ACACA: variants seen among roughly 807,000 people sequenced by gnomAD.
ACACA encodes the protein acetyl-CoA carboxylase alpha, also known as acetyl-CoA carboxylase 1.
A neutral mutation model predicts 296.1 loss-of-function variants in ACACA; 103 were observed. The observed-to-expected ratio is 0.35, with a 90% CI of 0.30 to 0.41. ACACA has a LOEUF of 0.41. Ranked by LOEUF, ACACA falls within the 10% of genes least tolerant of loss-of-function variation. ACACA has a pLI of 1.00. For synonymous variants in ACACA, 953 were observed against 1,038.6 expected, an observed-to-expected ratio of 0.92 and a Z score of 1.58; for missense variants, 1,554 against 2,989.7, an observed-to-expected ratio of 0.52 and a Z score of 11.20.
At chr17:37,279,384 T>A (rs1277396890) in intron 5 of ACACA, among the ~76,000 whole-genome samples, 2 of 152,106 alleles carry the variant, frequency 1.3e-5, no homozygotes, top group East Asian at 3.8e-4. Flanking sequence ...CCTGTAATCC[T>A]AGCATTTTGG....
intron 21 of ACACA, among the ~76,000 whole-genome samples, chr17:37,243,874 T>A (rs1174476250): frequency 6.6e-6 from 1 of 152,196 alleles, no homozygotes; most frequent in African/African-American, 2.4e-5. Context: ...TTCTTTTCAA[T>A]AAAAATTTAT....
intron 1 of ACACA, chr17:37,392,768 C>T (rs2050935035): frequency 6.6e-6 from 1 of 152,012 alleles, no homozygotes; most frequent in Non-Finnish European, 1.5e-5. Context: ...CACCCTAAGG[C>T]TCGATTTAAT....
intron 45 of ACACA, among the ~76,000 whole-genome samples, chr17:37,135,644 G>C (rs1056889866): frequency 6.6e-6 from 1 of 152,178 alleles, no homozygotes; most frequent in Non-Finnish European, 1.5e-5. Context: ...TCTTTACTGA[G>C]GTACAGGGCT....
intron 25 of ACACA, among the ~76,000 whole-genome samples, chr17:37,234,564 T>C (rs1051505672): frequency 2.6e-5 from 4 of 152,118 alleles, no homozygotes; most frequent in Non-Finnish European, 4.4e-5. Context: ...GAGTGCTGGA[T>C]TTCTATTTAT....
chr17:37,090,868 T>C (rs1266074084), intron 54 of ACACA, among the ~76,000 whole-genome samples: 2 of 151,950 alleles, frequency 1.3e-5, no homozygotes, highest in South Asian at 2.1e-4. Flanking sequence ...CTTATGAAGA[T>C]TGGGGTGGAG....
chr17:37,212,860 C>T (rs1244470255), intron 29 of ACACA, among the ~76,000 whole-genome samples: 1 of 148,746 alleles, frequency 6.7e-6, no homozygotes, highest in African/African-American at 2.5e-5. Context: ...TGGCATATCG[C>T]ACACTACTGT....
chr17:37,327,699 T>A (rs1045475589), intron 3 of ACACA, among the ~76,000 whole-genome samples: 1 of 152,240 alleles, frequency 6.6e-6, no homozygotes, highest in Non-Finnish European at 1.5e-5. Context: ...ATGTTTCACA[T>A]AGACTCAAAC....
intron 45 of ACACA, chr17:37,143,546 AAAG>A: frequency 1.9e-6 from 1 of 521,430 alleles, no homozygotes; most frequent in Non-Finnish European, 3.4e-6. Flanking sequence ...TAACTATACA[AAAG>A]AAGACACCAT....
intron 41 of ACACA, among the ~76,000 whole-genome samples, chr17:37,173,084 A>G (rs553174146): frequency 6.6e-6 from 1 of 152,364 alleles, no homozygotes; most frequent in South Asian, 2.1e-4. Flanking sequence ...ACATTCATGG[A>G]GCTATTTTGA....
At chr17:37,254,677 A>G (rs906102289) in intron 14 of ACACA, among the ~76,000 whole-genome samples, 2 of 151,968 alleles carry the variant, frequency 1.3e-5, no homozygotes, top group African/African-American at 4.8e-5. Flanking sequence ...CTCAGTAAAT[A>G]TTTGTTGAAT....
intron 50 of ACACA, among the ~76,000 whole-genome samples, chr17:37,121,071 G>A (rs2074503996): frequency 6.6e-6 from 1 of 152,072 alleles, no homozygotes; most frequent in African/African-American, 2.4e-5. Flanking sequence ...TATTTCCCCA[G>A]CACCATCAGA....
At chr17:37,324,292 G>A (rs1008306108) in intron 3 of ACACA, among the ~76,000 whole-genome samples, 9 of 151,918 alleles carry the variant, frequency 5.9e-5, no homozygotes, top group Non-Finnish European at 1.2e-4. Flanking sequence ...CATGAACCTG[G>A]GAGGCGGAAG....
At chr17:37,257,907 A>G in intron 13 of ACACA, 41 bp from the exon 14 acceptor site, 1 of 1,602,774 alleles carries the variant, frequency 6.2e-7, no homozygotes, top group Non-Finnish European at 8.5e-7. Flanking sequence ...TTATGTTTCG[A>G]AGGAAGAGAA....
chr17:37,313,230 G>A (rs2046933422), intron 3 of ACACA, among the ~76,000 whole-genome samples: 2 of 151,734 alleles, frequency 1.3e-5, no homozygotes, highest in African/African-American at 2.4e-5. Context: ...CATCTGTGCA[G>A]CAAACCACCA....
chr17:37,193,311 C>T (rs2145127695), intron 36 of ACACA, 63 bp downstream of exon 36: 6 of 1,265,528 alleles, frequency 4.7e-6, no homozygotes, highest in Admixed American at 1.8e-5. Context: ...AAAGATAAGC[C>T]GCTCTTGGGC....
chr17:37,323,522 G>A (rs534528195), intron 3 of ACACA, among the ~76,000 whole-genome samples: 1 of 152,340 alleles, frequency 6.6e-6, no homozygotes, highest in East Asian at 1.9e-4. Flanking sequence ...TTGAGCCCAG[G>A]AGTTGGAAGT....
intron 1 of ACACA, chr17:37,369,343 C>T (rs962034016): frequency 3.0e-4 from 46 of 152,032 alleles, no homozygotes; most frequent in African/African-American, 1.1e-3. Context: ...AAATTATAAA[C>T]AATTTAGCTG....
intron 1 of ACACA, among the ~76,000 whole-genome samples, chr17:37,378,200 C>T (rs573858312): frequency 6.0e-4 from 92 of 152,298 alleles, no homozygotes; most frequent in Non-Finnish European, 1.2e-3. Context: ...GCAGAACCTA[C>T]CCCTCTCTGC....
chr17:37,128,776 A>C (rs554219200), intron 47 of ACACA, among the ~76,000 whole-genome samples: 2 of 152,356 alleles, frequency 1.3e-5, no homozygotes, highest in Non-Finnish European at 2.9e-5. Flanking sequence ...TATCTATATA[A>C]TTAAAAGTTC....
Sources: gnomAD v4.1 joint callset for allele counts (sites outside exome capture counted in the v4.1 genomes callset) on GRCh38, gnomAD v4.1.1 for gene constraint, MANE v1.5 for transcripts, NCBI Gene and HGNC (gene_info 2026-07-23, HGNC 2026-07-21) for gene names.